Variants in BABAM2 observed in about 807,000 individuals in gnomAD.
BABAM2 encodes the protein BRISC and BRCA1 A complex member 2, also known as BRISC and BRCA1-A complex member 2.
In BABAM2, 31 loss-of-function variants were observed where a neutral mutation model predicts 54.7. That is an observed-to-expected ratio of 0.57 (90% CI 0.43 to 0.77). The LOEUF (loss-of-function observed/expected upper bound fraction) is 0.77. Among genes scored for constraint, BABAM2 ranks in the 30% least tolerant of loss-of-function variants. BABAM2 has a pLI of 0.00. For synonymous variants in BABAM2, 167 were observed against 162.9 expected (o/e 1.03, Z -0.19); for missense variants, 364 against 455.8 (o/e 0.80, Z 1.83).
upstream of BABAM2, chr2:27,890,206 G>A (rs758539982): frequency 3.8e-6 from 6 of 1,563,514 alleles, no homozygotes; most frequent in East Asian, 1.4e-4. This position sits in a 1 kb window ranked among gnomAD's most constrained non-coding sequence, Gnocchi z 4.8. Flanking sequence ...CATAGCGCAC[G>A]GCACGCCTCC....
chr2:28,215,709 C>T (rs1052205461), intron 7 of BABAM2, among the ~76,000 whole-genome samples: 4 of 152,140 alleles, frequency 2.6e-5, no homozygotes, highest in African/African-American at 4.8e-5. Flanking sequence ...GTCTTTCTCA[C>T]TCCCTGTTTT....
intron 2 of BABAM2, among the ~76,000 whole-genome samples, chr2:27,899,504 C>G (rs902786729): frequency 6.7e-6 from 1 of 148,848 alleles, no homozygotes; most frequent in African/African-American, 2.5e-5. Flanking sequence ...GACAGAGTTT[C>G]GCTCTTGTTG....
intron 7 of BABAM2, among the ~76,000 whole-genome samples, chr2:28,168,622 TG>T (rs1391749343): frequency 6.6e-6 from 1 of 152,226 alleles, no homozygotes; most frequent in Non-Finnish European, 1.5e-5. Context: ...TCCAATGCGT[TG>T]TTGACAGCAG....
intron 10 of BABAM2, among the ~76,000 whole-genome samples, chr2:28,249,292 T>A (rs1388372511): frequency 6.6e-6 from 1 of 152,022 alleles, no homozygotes; most frequent in African/African-American, 2.4e-5. Flanking sequence ...TTTCACCACG[T>A]TACCCAGGCT....
intron 8 of BABAM2, among the ~76,000 whole-genome samples, chr2:28,239,253 T>A (rs1682192583): frequency 2.0e-5 from 3 of 152,230 alleles, no homozygotes; most frequent in Admixed American, 2.0e-4. Flanking sequence ...AATAGAATTG[T>A]TTTACATTTA....
intron 7 of BABAM2, among the ~76,000 whole-genome samples, chr2:28,147,010 C>G (rs892463676): frequency 1.4e-4 from 21 of 152,170 alleles, no homozygotes; most frequent in Non-Finnish European, 2.1e-4. Flanking sequence ...ATTCCGTAGT[C>G]TTTTTGGAGA....
chr2:28,047,068 C>T (rs1350328647), intron 6 of BABAM2, among the ~76,000 whole-genome samples: 1 of 152,090 alleles, frequency 6.6e-6, no homozygotes, highest in Non-Finnish European at 1.5e-5. Flanking sequence ...TTTTCTTTTT[C>T]GCTAAGTAAA....
chr2:27,996,584 C>T (rs1434017557), intron 4 of BABAM2: 1 of 153,250 alleles, frequency 6.5e-6, no homozygotes, highest in Admixed American at 6.5e-5. Flanking sequence ...TAATTTTTAG[C>T]TTCTGACCTG....
At chr2:27,928,174 C>G (rs578177011) in intron 2 of BABAM2, among the ~76,000 whole-genome samples, 2 of 152,142 alleles carry the variant, frequency 1.3e-5, no homozygotes, top group Non-Finnish European at 2.9e-5. Flanking sequence ...TGCCACCATG[C>G]CCAGCTAATT....
At chr2:28,331,457 C>A (rs866527602) in intron 11 of BABAM2, among the ~76,000 whole-genome samples, 32 of 151,528 alleles carry the variant, frequency 2.1e-4, no homozygotes, top group African/African-American at 7.0e-4. Flanking sequence ...CTACAAGGAA[C>A]TTAAACAAAT....
At position 28,315,664 on chromosome 2, in the gene BABAM2, AT is replaced by A. The variant is rs568389461; in HGVS notation, c.1088+17184del. ...TTATTTATTTATTTATTTATTTTTT[AT>A]TTTTTTTTTTAGAGGTGGAGTCTCA... On this transcript the variant is annotated intron_variant, in intron 11 of 11. Transcript: ENST00000379624. 6.6e-3 allele frequency among the ~76,000 whole-genome samples: 926 copies of A among 140,432 alleles called. 6 individuals carry two copies. Among genetic ancestry groups the A allele is most frequent in the Non-Finnish European group, 0.01 (644 of 64,054 alleles). The allele number at this position is 140,432 out of a possible 152,430, so 92.1% of individuals were successfully genotyped here.
intron 6 of BABAM2, among the ~76,000 whole-genome samples, chr2:28,076,103 C>A (rs1664634730): frequency 6.6e-6 from 1 of 151,716 alleles, no homozygotes; most frequent in Non-Finnish European, 1.5e-5. Flanking sequence ...GTCTCTACAA[C>A]AAAAAATAAA....
intron 10 of BABAM2, among the ~76,000 whole-genome samples, chr2:28,272,362 G>T (rs921095606): frequency 6.6e-6 from 1 of 152,172 alleles, no homozygotes; most frequent in Non-Finnish European, 1.5e-5. Context: ...GATCCTTTAG[G>T]CAAAATCCTT....
At chr2:28,270,127 A>T (rs546632817) in intron 10 of BABAM2, among the ~76,000 whole-genome samples, 4 of 150,304 alleles carry the variant, frequency 2.7e-5, no homozygotes, top group South Asian at 4.2e-4. Flanking sequence ...CCCTCATGAA[A>T]TTTTTTTTTT....
intron 7 of BABAM2, among the ~76,000 whole-genome samples, chr2:28,133,959 G>A (rs1403634684): frequency 2.0e-5 from 3 of 152,156 alleles, no homozygotes; most frequent in African/African-American, 2.4e-5. Context: ...CCTGCCGCAC[G>A]TGGCTGCACG....
chr2:28,173,616 G>A (rs7586645), intron 7 of BABAM2, among the ~76,000 whole-genome samples: 61,317 of 152,158 alleles, frequency 0.4, 13,117 homozygotes, highest in East Asian at 0.66. Flanking sequence ...ATCACACTGC[G>A]TGTGGCTTTA....
intron 6 of BABAM2, among the ~76,000 whole-genome samples, chr2:28,072,183 T>C (rs182022215): frequency 6.6e-6 from 1 of 152,138 alleles, no homozygotes; most frequent in East Asian, 1.9e-4. Flanking sequence ...TGGATTCTTT[T>C]TTTTTTTTGA....
intron 2 of BABAM2, among the ~76,000 whole-genome samples, chr2:27,904,089 G>C (rs901013010): frequency 7.2e-5 from 11 of 152,188 alleles, no homozygotes; most frequent in Admixed American, 5.9e-4. Flanking sequence ...AGTGTAGACA[G>C]TTATGCTGGA....
At chr2:27,936,103 A>G (rs1336703465) in intron 3 of BABAM2, among the ~76,000 whole-genome samples, 1 of 152,032 alleles carries the variant, frequency 6.6e-6, no homozygotes, top group Admixed American at 6.6e-5. Flanking sequence ...TATTTTTAGT[A>G]GAGACGGGGC....
Sources: gnomAD v4.1 joint callset for allele counts (sites outside exome capture counted in the v4.1 genomes callset) on GRCh38, gnomAD v4.1.1 for gene constraint, Gnocchi (gnomAD v3.1) non-coding constraint, MANE v1.5 for transcripts, NCBI Gene and HGNC (gene_info 2026-07-23, HGNC 2026-07-21) for gene names.